The following CENPP variants were observed in gnomAD, a reference collection of about 807,000 sequenced individuals.
CENPP encodes the protein centromere protein P.
In CENPP, 24 loss-of-function variants were observed where a neutral mutation model predicts 35.6. The observed-to-expected ratio is 0.67, with a 90% CI of 0.49 to 0.95. The LOEUF (loss-of-function observed/expected upper bound fraction) is 0.95, where lower values mean the gene tolerates loss of function less well. Among genes scored for constraint, CENPP ranks in the 40% least tolerant of loss-of-function variants. CENPP has a pLI of 0.00. For missense variants in CENPP, 332 were observed against 345.3 expected (o/e 0.96, Z 0.31); for synonymous variants, 120 against 125.5 (o/e 0.96, Z 0.29).
intron 5 of CENPP, among the ~76,000 whole-genome samples, chr9:92,598,925 T>C (rs937577308): frequency 4.0e-5 from 6 of 151,738 alleles, no homozygotes; most frequent in Non-Finnish European, 2.9e-5. Flanking sequence ...CTGGCCAAAA[T>C]AGTGAAACCC....
Position 92,615,739 on chromosome 9 carries a change from T to G in CENPP, c.*2590T>G. 2 of 1,075,892 alleles carry G rather than the reference T, an allele frequency of 1.9e-6. No individual in the cohort carries two copies. Among genetic ancestry groups the G allele is most frequent in the Non-Finnish European group, 2.8e-6 (2 of 724,348 alleles). The allele number at this position is 1,075,892 out of a possible 1,614,324, so 66.6% of individuals were successfully genotyped here. A position where few individuals can be genotyped will look rare whatever the true frequency, so the allele number is the denominator to read the frequency against. ...CAAAAGGGGTTAAAAGCAAAAACAT[T>G]CACAACCAAAGGTCACCCAACACAA... On this transcript the variant is annotated 3_prime_UTR_variant, in exon 8 of 8. Transcript: ENST00000375587.
chr9:92,500,188 T>C (rs1290715403), intron 5 of CENPP, among the ~76,000 whole-genome samples: 1 of 152,164 alleles, frequency 6.6e-6, no homozygotes, highest in African/African-American at 2.4e-5. Flanking sequence ...AATAATCTGT[T>C]AATCTTTTTT....
intron 5 of CENPP, chr9:92,509,782 A>G (rs1329550321): frequency 1.8e-6 from 2 of 1,133,506 alleles, no homozygotes; most frequent in East Asian, 2.9e-5. Flanking sequence ...CAAATGGTTA[A>G]GTGACCTAAA....
chr9:92,471,438 G>A (rs539595871), intron 5 of CENPP, among the ~76,000 whole-genome samples: 6 of 151,754 alleles, frequency 4.0e-5, no homozygotes, highest in South Asian at 4.2e-4. Flanking sequence ...CTCGTGATTC[G>A]CCTGACTGGG....
At chr9:92,528,925 T>C (rs1848578720) in intron 5 of CENPP, among the ~76,000 whole-genome samples, 1 of 152,244 alleles carries the variant, frequency 6.6e-6, no homozygotes, top group South Asian at 2.1e-4. Context: ...AGTGCTGATA[T>C]ACTAATAAAG....
chr9:92,351,894 G>A (rs1157517652), intron 4 of CENPP, among the ~76,000 whole-genome samples: 3 of 151,904 alleles, frequency 2.0e-5, no homozygotes, highest in African/African-American at 7.3e-5. Flanking sequence ...CAAAGTGCTG[G>A]GATTACAGGC....
intron 5 of CENPP, among the ~76,000 whole-genome samples, chr9:92,579,091 G>A (rs1437135341): frequency 6.6e-6 from 1 of 150,658 alleles, no homozygotes; most frequent in Non-Finnish European, 1.5e-5. Flanking sequence ...TCTCAGGTTT[G>A]TCAAAGATCA....
chr9:92,503,418 G>C (rs1846807690), intron 5 of CENPP, among the ~76,000 whole-genome samples: 1 of 152,176 alleles, frequency 6.6e-6, no homozygotes, highest in Admixed American at 6.5e-5. Context: ...CAGGCTGCCT[G>C]TTTCCTACTA....
At chr9:92,414,877 T>C (rs568628137) in intron 5 of CENPP, 1 of 278,186 alleles carries the variant, frequency 3.6e-6, no homozygotes, top group East Asian at 5.6e-5. Flanking sequence ...TAACATGATA[T>C]TTCTATATTT....
intron 5 of CENPP, among the ~76,000 whole-genome samples, chr9:92,567,344 A>C (rs2131348344): frequency 6.8e-6 from 1 of 146,082 alleles, no homozygotes; most frequent in African/African-American, 2.5e-5. Flanking sequence ...ACAATTATAC[A>C]TTTATGGGGT....
intron 4 of CENPP, among the ~76,000 whole-genome samples, chr9:92,364,944 C>T (rs2130841093): frequency 6.6e-6 from 1 of 152,282 alleles, no homozygotes; most frequent in Admixed American, 6.5e-5. Context: ...AATTGTCTAA[C>T]AAACCACTTG....
chr9:92,468,203 A>C (rs1845383188), intron 5 of CENPP, among the ~76,000 whole-genome samples: 1 of 152,204 alleles, frequency 6.6e-6, no homozygotes, highest in South Asian at 2.1e-4. Context: ...TAAAACATGC[A>C]GTTGTTGGAA....
chr9:92,378,983 G>A (rs1221840660), intron 4 of CENPP, among the ~76,000 whole-genome samples: 1 of 152,220 alleles, frequency 6.6e-6, no homozygotes, highest in Admixed American at 6.5e-5. Flanking sequence ...CCAGCTGCAA[G>A]TATCAAGGTC....
At chr9:92,332,397 A>G in intron 2 of CENPP, 46 bp downstream of exon 2, 1 of 1,257,892 alleles carries the variant, frequency 7.9e-7, no homozygotes, top group Non-Finnish European at 1.1e-6. Context: ...AGCTTACCTT[A>G]TTATGCATAA....
At chr9:92,433,500 T>G (rs1489184164) in intron 5 of CENPP, among the ~76,000 whole-genome samples, 1 of 152,176 alleles carries the variant, frequency 6.6e-6, no homozygotes, top group East Asian at 1.9e-4. Flanking sequence ...AAAGGTACAT[T>G]AGGCAGAAAG....
chr9:92,346,953 CT>C (rs1454523741), intron 4 of CENPP, among the ~76,000 whole-genome samples: 1 of 146,828 alleles, frequency 6.8e-6, no homozygotes, highest in Non-Finnish European at 1.5e-5. Context: ...ACATATGGGA[CT>C]TGAGTGCCTT....
chr9:92,398,715 G>A (rs1047683387), intron 5 of CENPP, among the ~76,000 whole-genome samples: 23 of 152,088 alleles, frequency 1.5e-4, no homozygotes, highest in African/African-American at 5.6e-4. Context: ...TTTTGCAATT[G>A]CATGCAATGC....
chr9:92,446,360 C>T (rs1358646615), intron 5 of CENPP, among the ~76,000 whole-genome samples: 1 of 152,120 alleles, frequency 6.6e-6, no homozygotes, highest in Non-Finnish European at 1.5e-5. Context: ...TTGGGAAAAT[C>T]GGTTTCAGAG....
rs190411416 is a variant in CENPP at position 92,546,461 on chromosome 9, C to T, written c.565-64853C>T. Among the ~76,000 whole-genome samples, 303 of 152,264 alleles carry T rather than the reference C, an allele frequency of 2.0e-3. 2 individuals carry two copies. Among genetic ancestry groups the T allele is most frequent in the African/African-American group, 6.9e-3 (286 of 41,536 alleles). ...TGGGGGAAGATCTGCAGCTTCGCTC[C>T]TGAAGCCAGCGAGTCCACGAACCCA... On this transcript the variant is annotated intron_variant, in intron 5 of 7. Coordinates refer to ENST00000375587, the MANE Select transcript of CENPP (RefSeq NM_001012267.3).
Sources: allele counts gnomAD v4.1 joint callset (sites outside exome capture counted in the v4.1 genomes callset), GRCh38; gene constraint gnomAD v4.1.1; transcripts MANE v1.5; gene names NCBI Gene and HGNC (gene_info 2026-07-23, HGNC 2026-07-21).